Variants in TJP1 observed in about 807,000 individuals in gnomAD.
TJP1 encodes the protein tight junction protein 1, also known as tight junction protein ZO-1.
In TJP1, 43 loss-of-function variants were observed where a neutral mutation model predicts 194.2. The ratio of observed to expected loss-of-function variants is 0.22; its 90% CI spans 0.17 to 0.29. TJP1 has a LOEUF of 0.29. TJP1 is among the 10% of genes least tolerant of loss of function. The probability of loss-of-function intolerance (pLI) is 1.00; values close to 1 mark genes in which losing one functional copy is unlikely to be tolerated. For synonymous variants in TJP1, 801 were observed against 779.0 expected (o/e 1.03, Z -0.47); for missense variants, 1,971 against 2,185.7 (o/e 0.90, Z 1.96).
intron 2 of TJP1, among the ~76,000 whole-genome samples, chr15:29,834,072 A>G (rs2050942171): frequency 6.8e-6 from 1 of 147,512 alleles, no homozygotes; most frequent in Non-Finnish European, 1.5e-5. Flanking sequence ...TAGTAGAGAC[A>G]GGGTTTCACC....
At chr15:29,788,730 T>G (rs985538950) in intron 2 of TJP1, among the ~76,000 whole-genome samples, 2 of 152,232 alleles carry the variant, frequency 1.3e-5, no homozygotes, top group South Asian at 2.1e-4. Context: ...ATCTTTTACA[T>G]AATTCTATTT....
At chr15:29,846,318 G>A (rs1292701224) in intron 2 of TJP1, among the ~76,000 whole-genome samples, 1 of 152,108 alleles carries the variant, frequency 6.6e-6, no homozygotes, top group Non-Finnish European at 1.5e-5. Flanking sequence ...GTTCTAGGAT[G>A]GCACCATGCT....
chr15:29,876,180 G>A (rs952325541), intron 2 of TJP1, among the ~76,000 whole-genome samples: 11 of 152,134 alleles, frequency 7.2e-5, no homozygotes, highest in African/African-American at 2.4e-4. Flanking sequence ...GGCCCAGGAT[G>A]GCTTTGAATG....
upstream of TJP1, chr15:29,822,543 AGGCGGGGAGGGGGCGGGGCCGC>A (rs2050484757): frequency 9.2e-6 from 7 of 759,768 alleles, no homozygotes; most frequent in South Asian, 3.7e-4. Context: ...AGGCGAGGCG[AGGCGGGGAGGGGGCGGGGCCGC>A]GGCGGGGGAG....
At chr15:29,852,083 G>A (rs1401753559) in intron 2 of TJP1, among the ~76,000 whole-genome samples, 1 of 152,128 alleles carries the variant, frequency 6.6e-6, no homozygotes, top group Non-Finnish European at 1.5e-5. Context: ...TCTTAGACCT[G>A]ACACTAAAAG....
intron 2 of TJP1, among the ~76,000 whole-genome samples, chr15:29,857,689 C>T (rs2051912768): frequency 6.6e-6 from 1 of 152,176 alleles, no homozygotes; most frequent in African/African-American, 2.4e-5. Context: ...GACTGGGAGA[C>T]ACTCCAATAT....
intron 2 of TJP1, among the ~76,000 whole-genome samples, chr15:29,828,372 T>C (rs1464854736): frequency 6.6e-6 from 1 of 152,172 alleles, no homozygotes; most frequent in Non-Finnish European, 1.5e-5. Context: ...ACTAAGATTA[T>C]TTCTATTATA....
intron 23 of TJP1, among the ~76,000 whole-genome samples, chr15:29,715,606 A>G (rs996486177): frequency 3.3e-5 from 5 of 152,200 alleles, no homozygotes; most frequent in African/African-American, 1.2e-4. Flanking sequence ...ACACAATACT[A>G]TGTGTGATGA....
rs780606005 is a variant in TJP1, at chr15:29,719,157, T to G, written c.3004-19A>C. 1.6e-4 allele frequency: 242 copies of G among 1,554,134 alleles called. 8 individuals are homozygous for G. In the South Asian group the frequency reaches 2.9e-3, roughly 19 times the overall value. ...TATACACCTGTATAAAAAATTCACA[T>G]TTAAGGACAAAGTCTTGTTTCTAAT... is the stretch of plus-strand genomic sequence containing the variant. On this transcript the variant is annotated intron_variant, in intron 20 of 27. Transcript: ENST00000614355.
At chr15:29,742,604 G>T in intron 9 of TJP1, 38 bp downstream of exon 9, 1 of 1,506,800 alleles carries the variant, frequency 6.6e-7, no homozygotes, top group Non-Finnish European at 8.9e-7. Context: ...CACTCTACTT[G>T]CAAATGTTTC....
At chr15:29,708,046 T>A (rs1322468298) in intron 25 of TJP1, among the ~76,000 whole-genome samples, 1 of 151,690 alleles carries the variant, frequency 6.6e-6, no homozygotes, top group African/African-American at 2.4e-5. Context: ...ATACAAAAAA[T>A]TTAGCCAGGC....
At chr15:29,801,758 G>T (rs964971145) in intron 1 of TJP1, among the ~76,000 whole-genome samples, 1 of 152,080 alleles carries the variant, frequency 6.6e-6, no homozygotes, top group African/African-American at 2.4e-5. Context: ...ACCGCGCCCG[G>T]CCGAAAATAA....
chr15:29,939,832 G>A (rs1329582043), intron 2 of TJP1, among the ~76,000 whole-genome samples: 1 of 152,168 alleles, frequency 6.6e-6, no homozygotes, highest in Non-Finnish European at 1.5e-5. Flanking sequence ...TGTCTACCAG[G>A]AAGTGGGCCT....
chr15:29,908,247 A>G (rs555418084), intron 2 of TJP1, among the ~76,000 whole-genome samples: 1 of 152,234 alleles, frequency 6.6e-6, no homozygotes, highest in East Asian at 1.9e-4. Flanking sequence ...TATTCCATGG[A>G]CATCAGAACA....
At chr15:29,940,960 T>C (rs904713802) in intron 2 of TJP1, among the ~76,000 whole-genome samples, 1 of 152,030 alleles carries the variant, frequency 6.6e-6, no homozygotes, top group African/African-American at 2.4e-5. Flanking sequence ...CTTTCACAGA[T>C]GGGGGAGGAA....
intron 11 of TJP1, among the ~76,000 whole-genome samples, chr15:29,736,906 T>C (rs1330603593): frequency 2.6e-5 from 4 of 152,238 alleles, no homozygotes; most frequent in Non-Finnish European, 5.9e-5. Context: ...TTGTGGCCCA[T>C]GGCAGAGTCC....
At position 29,761,179 on chromosome 15, in the gene TJP1, C is replaced by G; in HGVS notation, c.970G>C (p.Asp324His). Reference protein sequence around the residue: ...RSPDQRSEPSDHSRHSPQQPS... With the variant: ...RSPDQRSEPSHHSRHSPQQPS... ...TGCTGCGGCGAGTGCCTGGAATGAT[C>G]AGAAGGCTCTGACCGCTGGTCAGGA... The change falls in exon 8 of 28, where the codon GAT becomes CAT. Residue 324 changes from aspartate (D) to histidine (H), a missense_variant. By Grantham distance (81) the Asp-to-His change is moderately conservative. Coordinates refer to ENST00000614355, the MANE Select transcript of TJP1 (RefSeq NM_001330239.4). The G allele has an allele frequency of 6.2e-7, 1 of 1,613,516 alleles. No homozygotes were observed. The highest frequency in any genetic ancestry group is 8.5e-7 in the Non-Finnish European group (1 of 1,179,814).
At chr15:29,949,381 TACCTCCACCACCACC>T (rs1157379600) in intron 2 of TJP1, among the ~76,000 whole-genome samples, 5 of 34,066 alleles carry the variant, frequency 1.5e-4, no homozygotes, top group Admixed American at 6.2e-4. Context: ...TCACCACTGC[TACCTCCACCACCACC>T]ACCTCCACAA....
At chr15:29,877,143 T>C (rs1031237159) in intron 2 of TJP1, among the ~76,000 whole-genome samples, 31 of 152,396 alleles carry the variant, frequency 2.0e-4, no homozygotes, top group African/African-American at 7.2e-4. Context: ...TATAATTTCA[T>C]GTAAACCAAT....
Sources: allele counts gnomAD v4.1 joint callset (sites outside exome capture counted in the v4.1 genomes callset), GRCh38; gene constraint gnomAD v4.1.1; transcripts MANE v1.5; gene names NCBI Gene and HGNC (gene_info 2026-07-23, HGNC 2026-07-21).